Variants in CNTN5 observed in about 807,000 individuals in gnomAD.
The protein encoded by CNTN5 is contactin-5.
In CNTN5, 77 loss-of-function variants were observed where a neutral mutation model predicts 129.1. That is an observed-to-expected ratio of 0.60 (90% CI 0.50 to 0.72). The LOEUF is 0.72. CNTN5 is among the 30% of genes least tolerant of loss of function. The pLI, the probability that CNTN5 is intolerant of heterozygous loss-of-function variation, is 0.00. For missense variants in CNTN5, 1,478 were observed against 1,328.8 expected (o/e 1.11, Z -1.75); for synonymous variants, 509 against 465.6 (o/e 1.09, Z -1.20).
chr11:99,619,878 T>TAGCC (rs1950877985), intron 3 of CNTN5, among the ~76,000 whole-genome samples: 1 of 151,696 alleles, frequency 6.6e-6, no homozygotes, highest in Non-Finnish European at 1.5e-5. Flanking sequence ...TACAAAAAAT[T>TAGCC]AGCCGGGCAT....
chr11:99,771,756 T>C (rs111586165), intron 3 of CNTN5, among the ~76,000 whole-genome samples: 2 of 151,958 alleles, frequency 1.3e-5, no homozygotes, highest in African/African-American at 4.8e-5. Flanking sequence ...AATGCCGTAT[T>C]GTAAACTTGA....
At chr11:100,060,470 A>G (rs1943418246) in intron 9 of CNTN5, among the ~76,000 whole-genome samples, 1 of 152,040 alleles carries the variant, frequency 6.6e-6, no homozygotes, top group South Asian at 2.1e-4. Context: ...TTATGTGTAA[A>G]CTGTATTTGC....
At chr11:99,822,899 T>G (rs1289364959) in intron 4 of CNTN5, among the ~76,000 whole-genome samples, 17 of 152,216 alleles carry the variant, frequency 1.1e-4, no homozygotes, top group Non-Finnish European at 1.5e-5. Flanking sequence ...CCATCTTGTT[T>G]GTCTTTTTTG....
chr11:100,019,442 A>G (rs924696463), intron 9 of CNTN5, among the ~76,000 whole-genome samples: 14 of 152,074 alleles, frequency 9.2e-5, no homozygotes, highest in South Asian at 8.3e-4. Context: ...AGATCATGCA[A>G]TATTCGCGTT....
intron 7 of CNTN5, among the ~76,000 whole-genome samples, chr11:99,928,927 C>T (rs188634698): frequency 1.3e-5 from 2 of 152,256 alleles, no homozygotes; most frequent in Admixed American, 6.5e-5. Flanking sequence ...AACTCCAAAC[C>T]TTATCTTTAT....
intron 3 of CNTN5, among the ~76,000 whole-genome samples, chr11:99,720,657 A>G (rs1158755462): frequency 6.6e-6 from 1 of 152,122 alleles, no homozygotes; most frequent in Non-Finnish European, 1.5e-5. Context: ...AGACAGATCA[A>G]TCAGGCAAGA....
chr11:99,166,126 G>C (rs144707178), intron 1 of CNTN5, among the ~76,000 whole-genome samples: 3 of 152,254 alleles, frequency 2.0e-5, no homozygotes, highest in Non-Finnish European at 4.4e-5. Context: ...AATTATGACT[G>C]GGCACGATGG....
At chr11:99,645,801 TG>T (rs1439532353) in intron 3 of CNTN5, among the ~76,000 whole-genome samples, 3 of 149,446 alleles carry the variant, frequency 2.0e-5, no homozygotes, top group African/African-American at 4.9e-5. Context: ...CCTGTCGGGG[TG>T]GGGGGCTAGG....
At chr11:99,533,277 T>C (rs923700282) in intron 2 of CNTN5, among the ~76,000 whole-genome samples, 2 of 152,162 alleles carry the variant, frequency 1.3e-5, no homozygotes, top group Non-Finnish European at 2.9e-5. Flanking sequence ...ACCCAGTTGG[T>C]AAAGTGGATA....
chr11:99,426,085 T>C (rs1943107079), intron 2 of CNTN5, among the ~76,000 whole-genome samples: 1 of 152,204 alleles, frequency 6.6e-6, no homozygotes, highest in Admixed American at 6.5e-5. Context: ...TATAAAAATA[T>C]AATCTAAAAA....
At chr11:100,043,131 C>T (rs1357864719) in intron 9 of CNTN5, among the ~76,000 whole-genome samples, 1 of 152,108 alleles carries the variant, frequency 6.6e-6, no homozygotes, top group Admixed American at 6.6e-5. Flanking sequence ...TTACTATGCT[C>T]TCAAATATTT....
At chr11:99,921,783 T>C (rs1367326418) in intron 7 of CNTN5, among the ~76,000 whole-genome samples, 3 of 152,164 alleles carry the variant, frequency 2.0e-5, no homozygotes, top group Non-Finnish European at 2.9e-5. Context: ...TTCAGAAATA[T>C]ATGAAATGAG....
chr11:99,392,059 AG>A (rs1179228745), intron 2 of CNTN5, among the ~76,000 whole-genome samples: 1 of 151,906 alleles, frequency 6.6e-6, no homozygotes, highest in African/African-American at 2.4e-5. Context: ...TCAAATTCTT[AG>A]TTAATTGTCT....
At chr11:99,793,470 G>T (rs980294581) in intron 3 of CNTN5, among the ~76,000 whole-genome samples, 1 of 151,926 alleles carries the variant, frequency 6.6e-6, no homozygotes, top group Non-Finnish European at 1.5e-5. Context: ...CTTGTCTTCC[G>T]CTAGATTTGG....
intron 2 of CNTN5, among the ~76,000 whole-genome samples, chr11:99,494,023 G>A (rs1314465217): frequency 3.3e-5 from 5 of 151,978 alleles, no homozygotes; most frequent in African/African-American, 4.8e-5. Context: ...TTTATTATAC[G>A]AAAAAGAAAT....
chr11:100,116,534 CT>C (rs1310464646), intron 13 of CNTN5, among the ~76,000 whole-genome samples: 2 of 151,100 alleles, frequency 1.3e-5, no homozygotes, highest in Non-Finnish European at 3.0e-5. Context: ...TTTTAATGAA[CT>C]TGGTTACCTA....
chr11:100,141,697 G>A (rs116542568), intron 13 of CNTN5, among the ~76,000 whole-genome samples: 4,275 of 152,172 alleles, frequency 0.028, 177 homozygotes, highest in African/African-American at 0.098. Context: ...ATAAAATAGC[G>A]TAAGAAATCC....
At chr11:99,347,347 A>C (rs2136072527) in intron 2 of CNTN5, among the ~76,000 whole-genome samples, 1 of 152,344 alleles carries the variant, frequency 6.6e-6, no homozygotes, top group Non-Finnish European at 1.5e-5. Context: ...GAAGTGTTAT[A>C]AAACTTCCAA....
At chr11:99,772,308 A>T (rs1434508271) in intron 3 of CNTN5, among the ~76,000 whole-genome samples, 3 of 152,046 alleles carry the variant, frequency 2.0e-5, no homozygotes, top group African/African-American at 7.2e-5. Flanking sequence ...AGTGTGATAC[A>T]GGTTAAGTCC....
Sources: gnomAD v4.1 joint callset for allele counts (sites outside exome capture counted in the v4.1 genomes callset) on GRCh38, gnomAD v4.1.1 for gene constraint, MANE v1.5 for transcripts, NCBI Gene and HGNC (gene_info 2026-07-23, HGNC 2026-07-21) for gene names.